Variants in ADGRV1 observed in about 807,000 individuals in gnomAD.
ADGRV1 encodes G-protein coupled receptor 98.
A neutral mutation model predicts 596.2 loss-of-function variants in ADGRV1; 359 were observed. The ratio of observed to expected loss-of-function variants is 0.60; its 90% CI spans 0.55 to 0.66. The LOEUF is 0.66. Ranked by LOEUF, ADGRV1 falls within the 30% of genes least tolerant of loss-of-function variation. ADGRV1 has a pLI of 0.00. For missense variants in ADGRV1, 7,274 were observed against 7,575.6 expected (o/e 0.96, Z 1.48); for synonymous variants, 2,681 against 2,679.2 (o/e 1.00, Z -0.02).
intron 21 of ADGRV1, among the ~76,000 whole-genome samples, chr5:90,661,444 C>T (rs1208791697): frequency 6.6e-6 from 1 of 152,058 alleles, no homozygotes; most frequent in East Asian, 1.9e-4. Context: ...TGAATAGATT[C>T]CTTGGGATAT....
At chr5:90,821,015 C>T (rs1043024291) in intron 75 of ADGRV1, among the ~76,000 whole-genome samples, 4 of 152,080 alleles carry the variant, frequency 2.6e-5, no homozygotes, top group African/African-American at 9.7e-5. Flanking sequence ...GAGTGTTTTC[C>T]ACCTTGGTTC....
Position 90,651,977 on chromosome 5 carries a change from GA to G in ADGRV1, c.3416+248del, listed in dbSNP as rs374012166. Among the ~76,000 whole-genome samples, 44 of 147,188 alleles carry G rather than the reference GA, an allele frequency of 3.0e-4. No individual in the cohort carries two copies. In the South Asian group the frequency reaches 9.4e-3, roughly 32 times the overall value. ...CCTCGTTCAAACTTCAATCCTTTGT[GA>G]GACTGAGAAACTTGAATTATTCAAG... On this transcript the variant is annotated intron_variant, in intron 18 of 89. Coordinates refer to ENST00000405460, the MANE Select transcript of ADGRV1 (RefSeq NM_032119.4).
chr5:90,941,757 C>T (rs1004199506), intron 83 of ADGRV1, among the ~76,000 whole-genome samples: 6 of 152,096 alleles, frequency 3.9e-5, no homozygotes, highest in Admixed American at 2.6e-4. Context: ...CTAAGTTAGG[C>T]GTGTATGTTG....
At chr5:90,872,749 G>A (rs1768815208) in intron 83 of ADGRV1, among the ~76,000 whole-genome samples, 1 of 152,136 alleles carries the variant, frequency 6.6e-6, no homozygotes, top group Admixed American at 6.5e-5. Flanking sequence ...TCCAAAGGGT[G>A]TTTCCATAAC....
intron 84 of ADGRV1, among the ~76,000 whole-genome samples, chr5:90,971,608 G>A (rs1334130343): frequency 2.0e-5 from 3 of 152,136 alleles, no homozygotes; most frequent in Admixed American, 6.6e-5. Flanking sequence ...ACTAAGCTTT[G>A]TAAGTGAAGG....
Position 90,725,232 on chromosome 5 carries a change from G to T in ADGRV1, c.10053G>T (p.Leu3351=). 7.2e-7 allele frequency: 1 copy of T among 1,397,264 alleles called. No homozygotes were observed. Among genetic ancestry groups the T allele is most frequent in the Non-Finnish European group, 9.6e-7 (1 of 1,046,844 alleles). The allele number at this position is 1,397,264 out of a possible 1,614,324, so 86.6% of individuals were successfully genotyped here. A position where few individuals can be genotyped will look rare whatever the true frequency, so the allele number is the denominator to read the frequency against. Residue 3351 remains leucine (L), a splice_region_variant and synonymous_variant, in exon 47 of 90, where the codon CTG becomes CTT. Transcript: ENST00000405460. ...FTFTSGFKLF[L]VQTIIILESS... ...TCACATCTGGATTTAAATTATTCCT[G>T]GTAAAAACATTTTCATTTTTAAATA...
In ADGRV1 at chr5:91,159,061, T is replaced by G. The variant is rs1047738724; in HGVS notation, c.18803-4721T>G. Among the ~76,000 whole-genome samples the G allele has an allele frequency of 3.3e-5, 5 of 152,242 alleles. No homozygotes were observed. The South Asian group carries it at 1.0e-3, about 31-fold the overall frequency. ...AAAATGCTTGCATTAATTCAGTAGG[T>G]AGAATGCCTTTACTGAGTGCAATAG... On this transcript the variant is annotated intron_variant, in intron 89 of 89. Coordinates refer to ENST00000405460, the MANE Select transcript of ADGRV1 (RefSeq NM_032119.4).
At chr5:91,018,632 T>C (rs1783374602) in intron 85 of ADGRV1, among the ~76,000 whole-genome samples, 1 of 151,998 alleles carries the variant, frequency 6.6e-6, no homozygotes, top group African/African-American at 2.4e-5. Context: ...TACAAATAAA[T>C]TAAGAAATTA....
Position 90,558,867 on chromosome 5 carries a change from G to C in ADGRV1, c.-29G>C. 6.4e-7 allele frequency: 1 copy of C among 1,560,284 alleles called. No homozygotes were observed. The highest frequency in any genetic ancestry group is 8.7e-7 in the Non-Finnish European group (1 of 1,151,276). ...AGAGGCAGAGCGAGGGTGTGTGGAG[G>C]GCCGGCGGGGACCGCCGGGAGCGCG... On this transcript the variant is annotated 5_prime_UTR_variant, in exon 1 of 90. Coordinates refer to ENST00000405460, the MANE Select transcript of ADGRV1 (RefSeq NM_032119.4).
At chr5:90,615,063 C>T (rs565763858) in intron 2 of ADGRV1, 44 bp downstream of exon 2, 28 of 1,224,118 alleles carry the variant, frequency 2.3e-5, no homozygotes, top group African/African-American at 1.2e-4. Flanking sequence ...ATAGATATGA[C>T]GTTTCTTAGT....
intron 20 of ADGRV1, among the ~76,000 whole-genome samples, chr5:90,656,695 AT>A (rs1234637030): frequency 6.6e-6 from 1 of 152,152 alleles, no homozygotes; most frequent in Non-Finnish European, 1.5e-5. Context: ...CTGGGTGGAG[AT>A]TTGTGAAACA....
At position 90,999,212 on chromosome 5, in the gene ADGRV1, A is replaced by G. The variant is rs74826611; in HGVS notation, c.18152+13690A>G. ...CTATTAACACATCTTTCTCCTATCT[A>G]TTTTTAAGGAAATTTACATCTTAAT... On this transcript the variant is annotated intron_variant, in intron 85 of 89. Transcript: ENST00000405460. 3.7e-3 allele frequency among the ~76,000 whole-genome samples: 568 copies of G among 151,970 alleles called. 5 individuals carry two copies. Among genetic ancestry groups the G allele is most frequent in the African/African-American group, 0.013 (552 of 41,512 alleles).
At chr5:90,730,200 A>G (rs906912388) in intron 50 of ADGRV1, among the ~76,000 whole-genome samples, 6 of 152,192 alleles carry the variant, frequency 3.9e-5, no homozygotes, top group Non-Finnish European at 7.3e-5. Context: ...AGAGCTTTAC[A>G]ATACTCCTTC....
chr5:91,060,552 G>A (rs972964423), intron 85 of ADGRV1, among the ~76,000 whole-genome samples: 3 of 152,158 alleles, frequency 2.0e-5, no homozygotes, highest in Admixed American at 2.0e-4. Context: ...ATAATTGAAA[G>A]TTACCTTACT....
chr5:90,661,619 C>T (rs1039420720), intron 21 of ADGRV1, among the ~76,000 whole-genome samples: 1 of 152,038 alleles, frequency 6.6e-6, no homozygotes, highest in South Asian at 2.1e-4. Context: ...TTCAAAAACT[C>T]GTCTTACTAT....
Position 90,712,354 on chromosome 5 carries a change from C to T in ADGRV1, c.9110C>T (p.Pro3037Leu), listed in dbSNP as rs1440255463. The stretch of plus-strand genomic sequence containing the variant: ...ATCATGATTCTTGATGATGACATTC[C>T]AGAAGGAGATGAAAAATTTCAGCTG... Reference protein sequence around the residue: ...VNIMILDDDIPEGDEKFQLIL... With the variant: ...VNIMILDDDILEGDEKFQLIL... Residue 3037 changes from proline (P) to leucine (L), a missense_variant, in exon 42 of 90, where the codon CCA becomes CTA. Physicochemically the swap from Pro to Leu is moderately conservative, Grantham distance 98. Transcript: ENST00000405460. The T allele has an allele frequency of 3.2e-6, 5 of 1,569,384 alleles. No homozygotes were observed. The highest frequency in any genetic ancestry group is 4.3e-6 in the Non-Finnish European group (5 of 1,151,930).
rs776350763 is a variant in ADGRV1 at position 90,683,766 on chromosome 5, G to A, written c.5845G>A (p.Val1949Met). The A allele has an allele frequency of 1.2e-6, 2 of 1,613,870 alleles. No homozygotes were observed. Among genetic ancestry groups the A allele is most frequent in the Non-Finnish European group, 1.7e-6 (2 of 1,179,876 alleles). The change falls in exon 28 of 90, where the codon GTG becomes ATG. Residue 1949 changes from valine (V) to methionine (M), a missense_variant. By Grantham distance (21) the Val-to-Met change is conservative. Transcript: ENST00000405460. ...EDPELDKAFS[V>M]SVLSVSSGSL... Reference sequence around the variant, plus strand: ...CCCAGAACTGGATAAGGCATTCTCTGTGTCAGTCCTCAGTGTTTCCAGTGG... The same window carrying A: ...CCCAGAACTGGATAAGGCATTCTCTATGTCAGTCCTCAGTGTTTCCAGTGG...
intron 83 of ADGRV1, among the ~76,000 whole-genome samples, chr5:90,925,494 T>C (rs1205576466): frequency 6.6e-6 from 1 of 152,222 alleles, no homozygotes; most frequent in Non-Finnish European, 1.5e-5. Context: ...ATCCTGAGAG[T>C]TTGCTGAAGT....
chr5:91,037,072 C>T (rs1415316099), intron 85 of ADGRV1, among the ~76,000 whole-genome samples: 4 of 152,130 alleles, frequency 2.6e-5, no homozygotes, highest in Non-Finnish European at 5.9e-5. Flanking sequence ...GCATAGCAAG[C>T]AGCACTGCTC....
Sources: allele counts gnomAD v4.1 joint callset (sites outside exome capture counted in the v4.1 genomes callset), GRCh38; gene constraint gnomAD v4.1.1; transcripts MANE v1.5; gene names NCBI Gene and HGNC (gene_info 2026-07-23, HGNC 2026-07-21).